The following TENM1 variants were observed in gnomAD, a reference collection of about 807,000 sequenced individuals.
TENM1 encodes teneurin-1.
TENM1 carries 35 observed loss-of-function variants against 174.8 expected under a neutral mutation model. The ratio of observed to expected loss-of-function variants is 0.20; its 90% confidence interval spans 0.15 to 0.27. The LOEUF is 0.27. Ranked by LOEUF, TENM1 falls within the 10% of genes least tolerant of loss-of-function variation. The pLI, the probability that TENM1 is intolerant of heterozygous loss-of-function variation, is 1.00. For synonymous variants in TENM1, 781 were observed against 798.7 expected (o/e 0.98, Z 0.37); for missense variants, 1,633 against 2,130.1 (o/e 0.77, Z 4.59).
the TENM1 span, among the ~76,000 whole-genome samples, chrX:125,090,284 A>C: frequency 9.0e-6 from 1 of 111,572 alleles, no homozygotes; most frequent in Non-Finnish European, 1.9e-5. Context: ...CATGATGTTC[A>C]CCAGGCTATT....
chrX:124,407,708 C>T (rs1179361498), intron 25 of TENM1, among the ~76,000 whole-genome samples: 1 of 112,626 alleles, frequency 8.9e-6, no homozygotes, highest in Non-Finnish European at 1.9e-5. Flanking sequence ...CATAATGCCA[C>T]CTAAAGTTCA....
At chrX:124,612,352 C>T (rs184870395) in intron 11 of TENM1, among the ~76,000 whole-genome samples, 1 of 110,904 alleles carries the variant, frequency 9.0e-6, no homozygotes, top group Non-Finnish European at 1.9e-5. Context: ...AGAATCTGTA[C>T]TTTAAAAAGT....
At chrX:125,117,933 AAC>A in the TENM1 span, among the ~76,000 whole-genome samples, 3,247 of 111,652 alleles carry the variant, frequency 0.029, 72 homozygotes, top group Non-Finnish European at 0.049. Context: ...TGTTTATTGC[AAC>A]ACTAACAATA....
chrX:124,497,331 A>G, intron 19 of TENM1, 66 bp from the exon 23 acceptor site: 3 of 1,077,995 alleles, frequency 2.8e-6, no homozygotes, highest in Non-Finnish European at 3.7e-6. Context: ...TCTCAGCAAT[A>G]TTTTAATTTA....
At chrX:124,809,257 T>C (rs923192587) in intron 3 of TENM1, among the ~76,000 whole-genome samples, 3 of 111,775 alleles carry the variant, frequency 2.7e-5, no homozygotes, top group Middle Eastern at 4.6e-3. Context: ...AATGAAGTCA[T>C]AGAAAATCTA....
chrX:124,900,745 A>G (rs1194833925), intron 1 of TENM1, among the ~76,000 whole-genome samples: 4 of 109,934 alleles, frequency 3.6e-5, no homozygotes, highest in African/African-American at 1.3e-4. Flanking sequence ...GGCCATGAAG[A>G]CTAACTGATG....
chrX:124,788,397 T>C (rs747071548), intron 3 of TENM1, among the ~76,000 whole-genome samples: 12 of 111,605 alleles, frequency 1.1e-4, no homozygotes, highest in Non-Finnish European at 2.1e-4. Flanking sequence ...AAACCAATCA[T>C]GCCTTCCCAA....
chrX:124,420,255 T>C (rs141516847), intron 25 of TENM1, 56 bp downstream of exon 28: 42,529 of 1,111,498 alleles, frequency 0.038, 678 homozygotes, highest in Middle Eastern at 0.042. Context: ...TTTCCCAGTA[T>C]AATACAATTT....
At position 124,766,627 on chromosome X, in the gene TENM1, T is replaced by C. The variant is rs748646360; in HGVS notation, c.536-29430A>G. Reference sequence around the variant, plus strand: ...TTGTAGATAATAAAAATATGGTTTCTGGCAATCCTTGAGTTAGGTATTGTT... The same window carrying C: ...TTGTAGATAATAAAAATATGGTTTCCGGCAATCCTTGAGTTAGGTATTGTT... On this transcript the variant is annotated intron_variant, in intron 3 of 31. Coordinates refer to ENST00000422452, the Ensembl canonical transcript of TENM1. Among the ~76,000 whole-genome samples, 9 of 111,616 alleles carry C rather than the reference T, an allele frequency of 8.1e-5. No individual in the cohort carries two copies. The South Asian group carries it at 3.4e-3, about 42-fold the overall frequency.
the TENM1 span, among the ~76,000 whole-genome samples, chrX:125,104,409 T>C: frequency 8.9e-6 from 1 of 112,121 alleles, no homozygotes; most frequent in African/African-American, 3.2e-5. Flanking sequence ...AGATGTGATT[T>C]ACATGTAGCA....
intron 3 of TENM1, among the ~76,000 whole-genome samples, chrX:124,777,676 G>T (rs1056802324): frequency 8.9e-6 from 1 of 112,441 alleles, no homozygotes; most frequent in East Asian, 2.8e-4. Context: ...AAGGAAGAAA[G>T]AAGTATTCTA....
intron 1 of TENM1, among the ~76,000 whole-genome samples, chrX:124,903,659 G>A (rs916970193): frequency 4.5e-5 from 5 of 112,090 alleles, no homozygotes; most frequent in Non-Finnish European, 9.4e-5. Context: ...TAACTCAGCA[G>A]TTACCACTAC....
intron 22 of TENM1, among the ~76,000 whole-genome samples, chrX:124,454,145 A>C (rs1442225131): frequency 8.9e-6 from 1 of 111,845 alleles, no homozygotes; most frequent in Non-Finnish European, 1.9e-5. Flanking sequence ...TAAAATTTTT[A>C]TTATAATAGC....
At chrX:124,396,479 T>C (rs2060335973) in intron 27 of TENM1, among the ~76,000 whole-genome samples, 1 of 109,419 alleles carries the variant, frequency 9.1e-6, no homozygotes, top group South Asian at 4.0e-4. Flanking sequence ...TTTTTTTGTA[T>C]TTTTAGTAGA....
intron 15 of TENM1, among the ~76,000 whole-genome samples, chrX:124,534,244 C>G (rs184717117): frequency 8.9e-5 from 10 of 111,738 alleles, no homozygotes; most frequent in African/African-American, 2.9e-4. Context: ...TTACTGGGAG[C>G]CTTATTTAAC....
chrX:124,918,047 C>T (rs192050425), intron 1 of TENM1, among the ~76,000 whole-genome samples: 200 of 112,186 alleles, frequency 1.8e-3, no homozygotes, highest in African/African-American at 6.3e-3. Flanking sequence ...AAACAGAAAC[C>T]TTCTCTACAT....
At chrX:124,718,062 C>T (rs781354177) in intron 4 of TENM1, among the ~76,000 whole-genome samples, 50 of 112,456 alleles carry the variant, frequency 4.4e-4, no homozygotes, top group Middle Eastern at 9.2e-3. Flanking sequence ...TCTAGCCATC[C>T]TATGTTATGT....
At chrX:124,951,199 T>C (rs2058477690) in intron 1 of TENM1, among the ~76,000 whole-genome samples, 2 of 112,135 alleles carry the variant, frequency 1.8e-5, no homozygotes, top group African/African-American at 6.5e-5. Flanking sequence ...CTTGTTTAAT[T>C]GGAATATCTA....
chrX:124,820,659 A>G (rs2056019492), intron 3 of TENM1, among the ~76,000 whole-genome samples: 1 of 112,484 alleles, frequency 8.9e-6, no homozygotes. Context: ...TATACTATGT[A>G]TATGGTTACA....
Sources: gnomAD v4.1 joint callset for allele counts (sites outside exome capture counted in the v4.1 genomes callset) on GRCh38, gnomAD v4.1.1 for gene constraint, MANE v1.5 for transcripts, NCBI Gene and HGNC (gene_info 2026-07-23, HGNC 2026-07-21) for gene names.